Variants in PLD5 observed in about 807,000 individuals in gnomAD.
PLD5 encodes inactive phospholipase D5.
PLD5 carries 36 observed loss-of-function variants against 61.1 expected under a neutral mutation model. That is an observed-to-expected ratio of 0.59 (90% CI 0.45 to 0.78). The LOEUF is 0.78. PLD5 is among the 30% of genes least tolerant of loss of function. The pLI is 0.00. For missense variants in PLD5, 515 were observed against 644.4 expected (o/e 0.80, Z 2.17); for synonymous variants, 243 against 242.8 (o/e 1.00, Z -0.01).
In PLD5 at chr1:242,282,453, G is replaced by A. The variant is rs539996676; in HGVS notation, c.495+5909C>T. Among the ~76,000 whole-genome samples, 70 of 152,178 alleles carry A rather than the reference G, an allele frequency of 4.6e-4. No homozygotes were observed. The East Asian group carries it at 9.7e-3, about 21-fold the overall frequency. ...CCCAAAAACAACCTCTTGGATCACC[G>A]AGCTCTTATGCTTGCTATTTCATAA... On this transcript the variant is annotated intron_variant, in intron 3 of 9. Coordinates refer to ENST00000536534, the MANE Select transcript of PLD5 (RefSeq NM_001372062.1).
At chr1:242,420,444 T>G (rs1665076764) in intron 1 of PLD5, among the ~76,000 whole-genome samples, 1 of 152,184 alleles carries the variant, frequency 6.6e-6, no homozygotes, top group Admixed American at 6.5e-5. Context: ...CCTACTCCTA[T>G]GTTATTCCTT....
chr1:242,372,899 T>G (rs546781966), intron 1 of PLD5, among the ~76,000 whole-genome samples: 4 of 152,068 alleles, frequency 2.6e-5, no homozygotes, highest in African/African-American at 7.2e-5. Flanking sequence ...ACTTCATGTC[T>G]AAAACACCAA....
At chr1:242,326,055 T>C (rs1658757093) in intron 2 of PLD5, among the ~76,000 whole-genome samples, 1 of 152,108 alleles carries the variant, frequency 6.6e-6, no homozygotes, top group African/African-American at 2.4e-5. Context: ...ATCTGGCTAA[T>C]TTTTAGAGAC....
In PLD5 at chr1:242,132,192, CGGGG is replaced by C. The variant is rs58312459; in HGVS notation, c.736-7531_736-7528del. ...GTCATCAAAGAGAATGCAGTGATTG[CGGGG>C]GGGGGGGGGGGCGGAATCATTTTTA... On this transcript the variant is annotated intron_variant, in intron 5 of 9. Transcript: ENST00000536534. Among the ~76,000 whole-genome samples, 5 of 21,038 alleles carry C rather than the reference CGGGG, an allele frequency of 2.4e-4. 1 individual carries two copies. Among genetic ancestry groups the C allele is most frequent in the East Asian group, 1.9e-3 (3 of 1,544 alleles). 13.8% of individuals were successfully genotyped at this position (21,038 alleles called of 152,430 possible). A position where few individuals can be genotyped will look rare whatever the true frequency, so the allele number is the denominator to read the frequency against.
At chr1:242,402,208 ATAAAC>A (rs1234413866) in intron 1 of PLD5, among the ~76,000 whole-genome samples, 3 of 152,234 alleles carry the variant, frequency 2.0e-5, no homozygotes, top group Non-Finnish European at 2.9e-5. Context: ...TGTAATTTAG[ATAAAC>A]TAGAGAATAA....
At chr1:242,257,166 A>G (rs940942696) in intron 4 of PLD5, among the ~76,000 whole-genome samples, 1 of 152,062 alleles carries the variant, frequency 6.6e-6, no homozygotes, top group Non-Finnish European at 1.5e-5. Context: ...TACTATCTAT[A>G]TGAAGAATCC....
intron 1 of PLD5, among the ~76,000 whole-genome samples, chr1:242,412,312 G>C (rs1275106129): frequency 6.6e-6 from 1 of 152,152 alleles, no homozygotes; most frequent in East Asian, 1.9e-4. Flanking sequence ...TGGTCAAGAA[G>C]GTGTCCATTC....
At chr1:242,472,109 T>C (rs958342167) in intron 1 of PLD5, among the ~76,000 whole-genome samples, 1 of 152,216 alleles carries the variant, frequency 6.6e-6, no homozygotes, top group Admixed American at 6.5e-5. Context: ...AAGAAAGCAC[T>C]GCTGATTTGT....
At chr1:242,221,971 C>T (rs1670619280) in intron 4 of PLD5, among the ~76,000 whole-genome samples, 1 of 152,068 alleles carries the variant, frequency 6.6e-6, no homozygotes, top group Non-Finnish European at 1.5e-5. Context: ...GTTAGAAGTC[C>T]AAAACCAAGG....
intron 5 of PLD5, among the ~76,000 whole-genome samples, chr1:242,165,501 C>A (rs1666245495): frequency 6.7e-6 from 1 of 148,500 alleles, no homozygotes; most frequent in South Asian, 2.1e-4. Flanking sequence ...AAAATATAGA[C>A]TATGAAAAAA....
intron 2 of PLD5, among the ~76,000 whole-genome samples, chr1:242,317,502 C>T (rs1658094542): frequency 6.6e-6 from 1 of 152,152 alleles, no homozygotes; most frequent in African/African-American, 2.4e-5. Context: ...TAAGTCTCTT[C>T]CCTTTCCTAC....
At position 242,524,111 on chromosome 1, in the gene PLD5, G is replaced by A. The variant is rs1386654703; in HGVS notation, c.166C>T (p.Arg56Trp). Reference protein sequence around the residue: ...QQDYSASVWLRRKDKLEHSQQ... With the variant: ...QQDYSASVWLWRKDKLEHSQQ... ...ACGTGCTCCAGCTTGTCTTTCCTCC[G>A]AAGCCAGACGCTGGCGCTGTAGTCC... The change falls in exon 1 of 10, where the codon CGG becomes TGG. Residue 56 changes from arginine to tryptophan, a missense_variant. Around this residue, in one of 2 missense-constraint regions of PLD5, gnomAD observed 450 missense variants for 598.1 expected, o/e 0.75. Coordinates refer to ENST00000536534, the MANE Select transcript of PLD5 (RefSeq NM_001372062.1). 1 of 1,535,022 alleles carries A rather than the reference G, an allele frequency of 6.5e-7. No homozygotes were observed. The highest frequency in any genetic ancestry group is 8.7e-7 in the Non-Finnish European group (1 of 1,146,322).
At chr1:242,454,691 T>C (rs951870800) in intron 1 of PLD5, among the ~76,000 whole-genome samples, 7 of 152,090 alleles carry the variant, frequency 4.6e-5, no homozygotes, top group Non-Finnish European at 8.8e-5. Context: ...AGAAAGGAAA[T>C]TAAGGAGAGA....
At chr1:242,136,401 G>T (rs1168270859) in intron 5 of PLD5, among the ~76,000 whole-genome samples, 1 of 152,148 alleles carries the variant, frequency 6.6e-6, no homozygotes, top group Non-Finnish European at 1.5e-5. Context: ...GTTGCTTGTA[G>T]ACTGGTCGTA....
chr1:242,455,946 T>G (rs1401834841), intron 1 of PLD5, among the ~76,000 whole-genome samples: 2 of 152,234 alleles, frequency 1.3e-5, no homozygotes, highest in East Asian at 3.8e-4. Context: ...GCTCCCCCCA[T>G]GCCACTGTGC....
At chr1:242,127,420 G>A (rs954954838) in intron 5 of PLD5, among the ~76,000 whole-genome samples, 10 of 152,154 alleles carry the variant, frequency 6.6e-5, no homozygotes, top group South Asian at 2.1e-4. Context: ...ATCAATCAAC[G>A]AGTGGATAAA....
chr1:242,517,206 G>T (rs996751053), intron 1 of PLD5, among the ~76,000 whole-genome samples: 10 of 149,270 alleles, frequency 6.7e-5, no homozygotes, highest in Admixed American at 6.6e-4. Flanking sequence ...TTGCTTTATT[G>T]TATTGTCTAC....
At chr1:242,201,629 C>G (rs1220346173) in intron 5 of PLD5, among the ~76,000 whole-genome samples, 1 of 152,026 alleles carries the variant, frequency 6.6e-6, no homozygotes, top group Non-Finnish European at 1.5e-5. Context: ...TCAAGTGATC[C>G]TCTTACCTCA....
chr1:242,084,003 T>G lies in PLD5; in HGVS notation c.*5851A>C, dbSNP rs564440578. 8 of 152,322 alleles carry G rather than the reference T, an allele frequency of 5.3e-5. No individual in the cohort carries two copies. The highest frequency in any genetic ancestry group is 1.9e-4 in the African/African-American group (8 of 41,582). 9.4% of individuals were successfully genotyped at this position (152,322 alleles called of 1,614,324 possible). A position where few individuals can be genotyped will look rare whatever the true frequency, so the allele number is the denominator to read the frequency against. ...GAGTCCATAAGGGAATTAATAATTTTTTAATGTCTGAGCCAAAAGGAATGG... is the reference window on the plus strand; with the variant it reads ...GAGTCCATAAGGGAATTAATAATTTGTTAATGTCTGAGCCAAAAGGAATGG... On this transcript the variant is annotated 3_prime_UTR_variant, in exon 10 of 10. Transcript: ENST00000536534.
Sources: gnomAD v4.1 joint callset for allele counts (sites outside exome capture counted in the v4.1 genomes callset) on GRCh38, gnomAD v4.1.1 for gene constraint, gnomAD v4.1.1 regional missense constraint, MANE v1.5 for transcripts, NCBI Gene and HGNC (gene_info 2026-07-23, HGNC 2026-07-21) for gene names.